NFASC: variants seen among roughly 807,000 people sequenced by gnomAD.
NFASC encodes the protein neurofascin, also known as neurofascin homolog.
NFASC carries 43 observed loss-of-function variants against 147.5 expected under a neutral mutation model. The ratio of observed to expected loss-of-function variants is 0.29; its 90% confidence interval spans 0.23 to 0.38. The LOEUF is 0.38. Among genes scored for constraint, NFASC ranks in the 10% least tolerant of loss-of-function variants. The pLI is 1.00. For synonymous variants in NFASC, 622 were observed against 665.5 expected, an observed-to-expected ratio of 0.93 and a Z score of 1.01; for missense variants, 1,320 against 1,689.0, an observed-to-expected ratio of 0.78 and a Z score of 3.83.
Position 204,881,979 on chromosome 1 carries a change from A to G in NFASC, c.-199-38653A>G, listed in dbSNP as rs532828577. Among the ~76,000 whole-genome samples, 65 of 152,094 alleles carry G rather than the reference A, an allele frequency of 4.3e-4. 1 individual carries two copies. The highest frequency in any genetic ancestry group is 1.4e-3 in the African/African-American group (60 of 41,476). ...ATCCTGTTCGGTCTGTTTAGCCAGA[A>G]TCCCCCTTACTCCTGATGTTTCCTC... On this transcript the variant is annotated intron_variant, in intron 1 of 29. Coordinates refer to ENST00000339876, the MANE Select transcript of NFASC (RefSeq NM_001005388.3).
chr1:204,899,374 G>A (rs1298137615), intron 1 of NFASC, among the ~76,000 whole-genome samples: 1 of 152,018 alleles, frequency 6.6e-6, no homozygotes, highest in Non-Finnish European at 1.5e-5. Flanking sequence ...GCCCTGGCAA[G>A]AGAGGAGAAG....
chr1:204,954,078 C>T lies in NFASC; in HGVS notation c.216-110C>T, dbSNP rs1280683148. 1 of 942,700 alleles carries T rather than the reference C, an allele frequency of 1.1e-6. No individual in the cohort carries two copies. The highest frequency in any genetic ancestry group is 1.7e-6 in the Non-Finnish European group (1 of 601,268). 58.4% of individuals were successfully genotyped at this position (942,700 alleles called of 1,614,324 possible). ...GTTGGTATGGGGTGCCACGATGGGA[C>T]TGAGAGAGGGAATTTTGGTACTGAG... On this transcript the variant is annotated intron_variant, in intron 5 of 29. Coordinates refer to ENST00000339876, the MANE Select transcript of NFASC (RefSeq NM_001005388.3). This position sits in a 1 kb window ranked among gnomAD's most constrained non-coding sequence, Gnocchi z 5.7.
chr1:204,887,317 G>A (rs1052152516), intron 1 of NFASC, among the ~76,000 whole-genome samples: 1 of 152,158 alleles, frequency 6.6e-6, no homozygotes, highest in Non-Finnish European at 1.5e-5. Context: ...CCAGGTTGTA[G>A]CATGAGTCAA....
intron 8 of NFASC, among the ~76,000 whole-genome samples, chr1:204,966,649 TTGTAA>T (rs1200807918): frequency 2.0e-5 from 3 of 152,150 alleles, no homozygotes; most frequent in Non-Finnish European, 2.9e-5. Context: ...GTAGTCACTG[TTGTAA>T]TGTGTGTGCT....
intron 1 of NFASC, among the ~76,000 whole-genome samples, chr1:204,892,760 C>A (rs940613026): frequency 6.6e-6 from 1 of 152,156 alleles, no homozygotes; most frequent in African/African-American, 2.4e-5. Flanking sequence ...TTGATTTCAC[C>A]TGTTTCTTTT....
At position 204,954,718 on chromosome 1, in the gene NFASC, C is replaced by T; in HGVS notation, c.413-111C>T. On this transcript the variant is annotated intron_variant, in intron 6 of 29. Transcript: ENST00000339876. The surrounding 1 kb of genome is among the most constrained non-coding windows in gnomAD (Gnocchi z 5.7). ...CGTCCCTCTCTCTTGCTCCCTCCTT[C>T]TCCAGGTGCCCCTTCTGTTTCTCCT... 1.5e-6 allele frequency: 2 copies of T among 1,305,750 alleles called. No homozygotes were observed. The highest frequency in any genetic ancestry group is 2.2e-6 in the Non-Finnish European group (2 of 926,156). The allele number at this position is 1,305,750 out of a possible 1,614,324, so 80.9% of individuals were successfully genotyped here. A position where few individuals can be genotyped will look rare whatever the true frequency, so the allele number is the denominator to read the frequency against.
Position 204,974,279 on chromosome 1 carries a change from C to T in NFASC, c.1380C>T (p.Pro460=). 1.2e-6 allele frequency: 2 copies of T among 1,612,970 alleles called. No homozygotes were observed. Among genetic ancestry groups the T allele is most frequent in the South Asian group, 1.1e-5 (1 of 90,990 alleles). Residue 460 remains proline (P), a synonymous_variant, in exon 13 of 30, where the codon CCC becomes CCT. Coordinates refer to ENST00000339876, the MANE Select transcript of NFASC (RefSeq NM_001005388.3). ...GCCCTTTCTTTGGGTCTCCCATCCC[C>T]ACACTGCGATGGTAAGTTCCAGGAG... is the stretch of plus-strand genomic sequence containing the variant. ...LDCPFFGSPI[P]TLRWFKNGQG...
chr1:205,001,113 A>G, intron 25 of NFASC, 57 bp from the exon 26 acceptor site: 2 of 1,000,200 alleles, frequency 2.0e-6, no homozygotes, highest in South Asian at 1.4e-5. Context: ...GTGTGTCTCC[A>G]TATCTCTGGT....
At chr1:204,829,715 G>A (rs891931010) in intron 1 of NFASC, among the ~76,000 whole-genome samples, 11 of 152,196 alleles carry the variant, frequency 7.2e-5, no homozygotes, top group Non-Finnish European at 1.5e-4. Flanking sequence ...AAGGGGCAGG[G>A]TCCAGGGGAA....
chr1:204,888,111 C>G (rs1292429700), intron 1 of NFASC, among the ~76,000 whole-genome samples: 1 of 152,150 alleles, frequency 6.6e-6, no homozygotes, highest in Non-Finnish European at 1.5e-5. Context: ...TCTCTTCTCC[C>G]CCTTGGCTCT....
At position 204,986,138 on chromosome 1, in the gene NFASC, A is replaced by G. The variant is rs768161957; in HGVS notation, c.2471-1280A>G. Reference sequence around the variant, plus strand: ...AGGTAGGTCTGGCCTGCAGCTCTTCAGGGTGGGGCAGGAGAAGGGTGGCAC... The same window carrying G: ...AGGTAGGTCTGGCCTGCAGCTCTTCGGGGTGGGGCAGGAGAAGGGTGGCAC... On this transcript the variant is annotated intron_variant, in intron 21 of 29. Transcript: ENST00000339876. This position sits in a 1 kb window ranked among gnomAD's most constrained non-coding sequence, Gnocchi z 4.2. 14 of 1,557,414 alleles carry G rather than the reference A, an allele frequency of 9.0e-6. No homozygotes were observed. The Admixed American group carries it at 2.3e-4, about 26-fold the overall frequency.
chr1:204,861,188 A>G (rs568790970), intron 1 of NFASC, among the ~76,000 whole-genome samples: 3 of 148,120 alleles, frequency 2.0e-5, no homozygotes, highest in African/African-American at 7.6e-5. Context: ...TCCTGGGCAC[A>G]AGCAATCCTC....
chr1:204,897,456 A>G (rs1440383059), intron 1 of NFASC, among the ~76,000 whole-genome samples: 2 of 152,210 alleles, frequency 1.3e-5, no homozygotes, highest in Admixed American at 1.3e-4. Context: ...CTTGTTCCCA[A>G]TTTATAGACA....
In NFASC at chr1:204,954,022, A is replaced by T. The variant is rs377686829; in HGVS notation, c.216-166A>T. Among the ~76,000 whole-genome samples the T allele has an allele frequency of 1.3e-5, 2 of 151,940 alleles. No homozygotes were observed. The highest frequency in any genetic ancestry group is 1.9e-4 in the East Asian group (1 of 5,138). On this transcript the variant is annotated intron_variant, in intron 5 of 29. Transcript: ENST00000339876. This position sits in a 1 kb window ranked among gnomAD's most constrained non-coding sequence, Gnocchi z 5.7. Reference sequence around the variant, plus strand: ...CTTTGCATTTTATTGAGCTCTCCAGATGGTTCTTCTGCTCAGCCAGGCTGA... The same window carrying T: ...CTTTGCATTTTATTGAGCTCTCCAGTTGGTTCTTCTGCTCAGCCAGGCTGA...
chr1:204,981,084 T>G (rs755250028), intron 20 of NFASC, among the ~76,000 whole-genome samples: 2 of 152,244 alleles, frequency 1.3e-5, no homozygotes, highest in African/African-American at 2.4e-5. Context: ...TTTCTGAGCT[T>G]CTGCCATGAG....
At chr1:204,962,149 A>G in intron 8 of NFASC, 4 of 1,613,294 alleles carry the variant, frequency 2.5e-6, no homozygotes, top group South Asian at 1.1e-5. Flanking sequence ...CCACCCTGAC[A>G]TGTACAGTGG....
chr1:204,864,413 T>TA (rs1210645266), intron 1 of NFASC, among the ~76,000 whole-genome samples: 2 of 152,240 alleles, frequency 1.3e-5, no homozygotes, highest in African/African-American at 4.8e-5. Flanking sequence ...TATTAACTCT[T>TA]ATGTTTAACT....
chr1:204,854,298 A>G (rs1291303593), intron 1 of NFASC, among the ~76,000 whole-genome samples: 1 of 152,142 alleles, frequency 6.6e-6, no homozygotes, highest in Non-Finnish European at 1.5e-5. Context: ...TGCCTAACCC[A>G]ATAGGTGAAT....
At chr1:204,902,249 T>C (rs1457739623) in intron 1 of NFASC, among the ~76,000 whole-genome samples, 1 of 152,118 alleles carries the variant, frequency 6.6e-6, no homozygotes, top group Non-Finnish European at 1.5e-5. Flanking sequence ...GAGCTGTGAT[T>C]GCACCACTGT....
Sources: gnomAD v4.1 joint callset for allele counts (sites outside exome capture counted in the v4.1 genomes callset) on GRCh38, gnomAD v4.1.1 for gene constraint, Gnocchi (gnomAD v3.1) non-coding constraint, MANE v1.5 for transcripts, NCBI Gene and HGNC (gene_info 2026-07-23, HGNC 2026-07-21) for gene names.